Variants in TNRC6A observed in about 807,000 individuals in gnomAD.
The protein encoded by TNRC6A is trinucleotide repeat-containing gene 6A protein.
TNRC6A carries 44 observed loss-of-function variants against 221.2 expected under a neutral mutation model. That is an observed-to-expected ratio of 0.20 (90% CI 0.16 to 0.26). TNRC6A has a LOEUF of 0.26. TNRC6A is among the 10% of genes least tolerant of loss of function. The pLI is 1.00. For synonymous variants in TNRC6A, 847 were observed against 838.5 expected (o/e 1.01, Z -0.18); for missense variants, 2,199 against 2,404.4 (o/e 0.91, Z 1.79).
chr16:24,629,369 G>C (rs1407001875), intron 1 of TNRC6A, among the ~76,000 whole-genome samples: 1 of 152,070 alleles, frequency 6.6e-6, no homozygotes, highest in African/African-American at 2.4e-5. Flanking sequence ...ACAAACCTAG[G>C]AAGTCTGAAA....
Position 24,823,884 on chromosome 16 carries a change from G to A in TNRC6A, c.*77G>A. 1 of 1,342,204 alleles carries A rather than the reference G, an allele frequency of 7.5e-7. No homozygotes were observed. The highest frequency in any genetic ancestry group is 9.7e-7 in the Non-Finnish European group (1 of 1,034,398). The allele number at this position is 1,342,204 out of a possible 1,614,324, so 83.1% of individuals were successfully genotyped here. ...CACTAAGTGGGGCTCGCCGCCTGCAGCCAGGGGCCGCCTGTGGGAACAGCT... is the reference window on the plus strand; with the variant it reads ...CACTAAGTGGGGCTCGCCGCCTGCAACCAGGGGCCGCCTGTGGGAACAGCT... On this transcript the variant is annotated 3_prime_UTR_variant, in exon 25 of 25. Coordinates refer to ENST00000395799, the MANE Select transcript of TNRC6A (RefSeq NM_014494.4). This position sits in a 1 kb window ranked among gnomAD's most constrained non-coding sequence, Gnocchi z 4.3.
At chr16:24,814,512 G>A (rs566277380) in intron 18 of TNRC6A, among the ~76,000 whole-genome samples, 19 of 149,848 alleles carry the variant, frequency 1.3e-4, no homozygotes, top group Middle Eastern at 3.4e-3. Context: ...GGGTTCAAGC[G>A]ATTCTCCTGC....
intron 2 of TNRC6A, among the ~76,000 whole-genome samples, chr16:24,711,684 G>C (rs2056208613): frequency 6.6e-6 from 1 of 151,994 alleles, no homozygotes; most frequent in Non-Finnish European, 1.5e-5. Flanking sequence ...TTGCTGAGTA[G>C]TATTCCATTA....
chr16:24,776,180 C>T, intron 4 of TNRC6A: 4 of 844,074 alleles, frequency 4.7e-6, no homozygotes, highest in Non-Finnish European at 5.7e-6. Context: ...GGTTTACTTA[C>T]ACTAGCTTAA....
At chr16:24,759,682 C>T (rs1567433622) in intron 4 of TNRC6A, among the ~76,000 whole-genome samples, 1 of 152,100 alleles carries the variant, frequency 6.6e-6, no homozygotes. Context: ...TTAACTTTGC[C>T]AGTAGTGCCT....
At chr16:24,780,017 G>C (rs1408922279) in intron 5 of TNRC6A, among the ~76,000 whole-genome samples, 1 of 151,630 alleles carries the variant, frequency 6.6e-6, no homozygotes, top group East Asian at 1.9e-4. Flanking sequence ...AGACCCCAAA[G>C]AGGTGAAATA....
At chr16:24,821,226 G>A (rs2058759268) in intron 22 of TNRC6A, among the ~76,000 whole-genome samples, 1 of 152,186 alleles carries the variant, frequency 6.6e-6, no homozygotes, top group African/African-American at 2.4e-5. Context: ...GGTTTTTGGA[G>A]GCCGCAGACA....
intron 2 of TNRC6A, chr16:24,671,019 C>A: frequency 2.6e-6 from 1 of 386,074 alleles, no homozygotes; most frequent in Non-Finnish European, 5.4e-6. Flanking sequence ...CCTCATCTTC[C>A]TCGCCAGCCA....
rs2058243648 is a variant in TNRC6A, at chr16:24,797,536, C to T, written c.3608C>T (p.Pro1203Leu). ...GNKQEEAWIN[P>L]FVKQFSNISF... ...AAACAAGAAGAAGCGTGGATAAATC[C>T]ATTTGTTAAACAGTTTTCAAACATC... Residue 1203 changes from proline to leucine, a missense_variant, in exon 10 of 25, where the codon CCA becomes CTA. By Grantham distance (98) the Pro-to-Leu change is moderately conservative. Around this residue, in one of 8 missense-constraint regions of TNRC6A, gnomAD observed 158 missense variants for 159.1 expected, o/e 0.99. Transcript: ENST00000395799. 1 of 1,611,884 alleles carries T rather than the reference C, an allele frequency of 6.2e-7. No homozygotes were observed. Among genetic ancestry groups the T allele is most frequent in the South Asian group, 1.1e-5 (1 of 90,374 alleles).
intron 2 of TNRC6A, among the ~76,000 whole-genome samples, chr16:24,747,079 A>AATGTATC (rs74275940): frequency 2.0e-5 from 3 of 151,184 alleles, no homozygotes; most frequent in Non-Finnish European, 4.4e-5. Flanking sequence ...TGTTGTGTGG[A>AATGTATC]ATCCTAATCT....
intron 1 of TNRC6A, among the ~76,000 whole-genome samples, chr16:24,626,816 A>AT (rs564636170): frequency 6.6e-5 from 10 of 151,388 alleles, no homozygotes; most frequent in Non-Finnish European, 8.8e-5. Flanking sequence ...CGCCCGGCTA[A>AT]TTTTTTTGTA....
At chr16:24,795,647 T>G in intron 8 of TNRC6A, 1 of 391,598 alleles carries the variant, frequency 2.6e-6, no homozygotes. Flanking sequence ...TTTTAAAATT[T>G]TTCATTTGGC....
At position 24,769,045 on chromosome 16, in the gene TNRC6A, TATTA is replaced by T. The variant is rs537118125; in HGVS notation, c.164-7882_164-7879del. Among the ~76,000 whole-genome samples, 7 of 152,344 alleles carry T rather than the reference TATTA, an allele frequency of 4.6e-5. No individual in the cohort carries two copies. The South Asian group carries it at 1.0e-3, about 23-fold the overall frequency. On this transcript the variant is annotated intron_variant, in intron 4 of 24. Coordinates refer to ENST00000395799, the MANE Select transcript of TNRC6A (RefSeq NM_014494.4). ...AAAGTATTTTAAACATTTAAAGAAG[TATTA>T]ATTAAAATGGTATTACAAATTTAGA...
chr16:24,820,927 C>G (rs1341783065), intron 22 of TNRC6A, among the ~76,000 whole-genome samples: 1 of 152,206 alleles, frequency 6.6e-6, no homozygotes, highest in Non-Finnish European at 1.5e-5. Flanking sequence ...CCAGATGAGC[C>G]TAGCAGTTTC....
intron 2 of TNRC6A, among the ~76,000 whole-genome samples, chr16:24,697,780 G>A (rs149220013): frequency 2.0e-5 from 3 of 151,334 alleles, no homozygotes; most frequent in African/African-American, 7.3e-5. Flanking sequence ...GGTGGCTCAC[G>A]CCTGTAATCC....
intron 2 of TNRC6A, among the ~76,000 whole-genome samples, chr16:24,747,128 C>T (rs1037516388): frequency 6.6e-6 from 1 of 152,216 alleles, no homozygotes; most frequent in Admixed American, 6.5e-5. Flanking sequence ...ATTGCATTTC[C>T]CCTAGTCAAT....
chr16:24,718,186 C>T (rs891917339), intron 2 of TNRC6A, among the ~76,000 whole-genome samples: 3 of 152,190 alleles, frequency 2.0e-5, no homozygotes, highest in South Asian at 2.1e-4. Context: ...AGTCTCCACT[C>T]CCAGAAGCCT....
At chr16:24,739,441 A>G (rs148527994) in intron 2 of TNRC6A, among the ~76,000 whole-genome samples, 1 of 149,924 alleles carries the variant, frequency 6.7e-6, no homozygotes, top group African/African-American at 2.5e-5. Context: ...TATATGATTT[A>G]CAGGTATTTT....
chr16:24,662,362 T>C (rs2055052897), intron 2 of TNRC6A: 1 of 151,926 alleles, frequency 6.6e-6, no homozygotes, highest in Non-Finnish European at 1.5e-5. Flanking sequence ...CGCACACCTG[T>C]GATCCCAGCT....
Sources: allele counts gnomAD v4.1 joint callset (sites outside exome capture counted in the v4.1 genomes callset), GRCh38; gene constraint gnomAD v4.1.1; regional missense constraint gnomAD v4.1.1; non-coding constraint Gnocchi (gnomAD v3.1); transcripts MANE v1.5; gene names NCBI Gene and HGNC (gene_info 2026-07-23, HGNC 2026-07-21).